The following PIP4P2 variants were observed in gnomAD, a reference collection of about 807,000 sequenced individuals.
PIP4P2 encodes the protein type 2 phosphatidylinositol 4,5-bisphosphate 4-phosphatase.
Under a neutral mutation model 33.3 loss-of-function variants are expected in PIP4P2, and 19 were observed. That is an observed-to-expected ratio of 0.57 (90% confidence interval 0.40 to 0.84). PIP4P2 has a LOEUF of 0.84. PIP4P2 is among the 40% of genes least tolerant of loss of function. PIP4P2 has a pLI of 0.00. For synonymous variants in PIP4P2, 110 were observed against 111.9 expected, an observed-to-expected ratio of 0.98 and a Z score of 0.11; for missense variants, 270 against 324.7, an observed-to-expected ratio of 0.83 and a Z score of 1.29.
At chr8:91,003,759 C>T (rs925540225) in intron 5 of PIP4P2, among the ~76,000 whole-genome samples, 1 of 151,860 alleles carries the variant, frequency 6.6e-6, no homozygotes, top group African/African-American at 2.4e-5. Context: ...GGATAAAGTG[C>T]GGTCAAGTTC....
chr8:91,016,380 A>G (rs1811914537), intron 4 of PIP4P2, among the ~76,000 whole-genome samples: 1 of 152,176 alleles, frequency 6.6e-6, no homozygotes, highest in South Asian at 2.1e-4. Flanking sequence ...ACCCTCACGA[A>G]GACATAGACT....
chr8:90,994,899 T>C lies in PIP4P2; in HGVS notation c.*778A>G, dbSNP rs1303523123. On this transcript the variant is annotated 3_prime_UTR_variant, in exon 7 of 7. Coordinates refer to ENST00000285419, the MANE Select transcript of PIP4P2 (RefSeq NM_018710.3). ...CCTCAAGCCTCTATAAAGGAATACA[T>C]AGAGCTGATAAACATTAAATTCCAT... 6.6e-6 allele frequency: 1 copy of C among 152,100 alleles called. No individual in the cohort carries two copies. The highest frequency in any genetic ancestry group is 1.5e-5 in the Non-Finnish European group (1 of 67,956). 9.4% of individuals were successfully genotyped at this position (152,100 alleles called of 1,614,324 possible).
At position 91,040,729 on chromosome 8, in the gene PIP4P2, G is replaced by T; in HGVS notation, c.21C>A (p.Asp7Glu). Residue 7 changes from aspartate (D) to glutamate (E), a missense_variant, in exon 1 of 7, where the codon GAC becomes GAA. By Grantham distance (45) the Asp-to-Glu change is conservative. Transcript: ENST00000285419. The part of the protein sequence containing the change: MAADGV[D>E]ERSPLLSASH... The stretch of plus-strand genomic sequence containing the variant: ...ATGCTGACAGCAGAGGCGAGCGTTC[G>T]TCCACCCCATCAGCAGCCATGACTG... 1 of 1,612,412 alleles carries T rather than the reference G, an allele frequency of 6.2e-7. No individual in the cohort carries two copies. Among genetic ancestry groups the T allele is most frequent in the East Asian group, 2.2e-5 (1 of 44,876 alleles).
chr8:91,033,207 C>A (rs189374687), intron 1 of PIP4P2, among the ~76,000 whole-genome samples: 7 of 152,302 alleles, frequency 4.6e-5, no homozygotes, highest in Admixed American at 1.3e-4. Context: ...AACAAACTGC[C>A]TAATTCACAT....
intron 1 of PIP4P2, among the ~76,000 whole-genome samples, chr8:91,025,862 C>T (rs1273945348): frequency 1.3e-5 from 2 of 152,142 alleles, no homozygotes; most frequent in Non-Finnish European, 2.9e-5. Flanking sequence ...TTTAGTGTCA[C>T]ACTTCTCCAG....
intron 3 of PIP4P2, 45 bp from the exon 4 acceptor site, chr8:91,018,558 C>T (rs1158236849): frequency 2.5e-6 from 4 of 1,612,020 alleles, no homozygotes; most frequent in Middle Eastern, 3.3e-4. Context: ...CACAAATGGA[C>T]TGAGAGCAAA....
At chr8:91,018,707 G>C in intron 3 of PIP4P2, 194 bp from the exon 4 acceptor site, 2 of 657,688 alleles carry the variant, frequency 3.0e-6, no homozygotes, top group Non-Finnish European at 5.0e-6. Context: ...GTCTGTACTT[G>C]GGATAGAAAC....
At chr8:91,014,585 A>G (rs758020669) in intron 4 of PIP4P2, among the ~76,000 whole-genome samples, 49 of 152,268 alleles carry the variant, frequency 3.2e-4, no homozygotes, top group African/African-American at 1.1e-3. Flanking sequence ...GTTGCCAGGC[A>G]TTGAGGTGGG....
intron 5 of PIP4P2, among the ~76,000 whole-genome samples, chr8:91,006,034 TA>T (rs1811758716): frequency 6.6e-6 from 1 of 152,184 alleles, no homozygotes; most frequent in Admixed American, 6.5e-5. Context: ...TTTTGTGAGA[TA>T]AAAGCACATA....
chr8:91,021,500 AT>A (rs1472315813), intron 1 of PIP4P2, 96 bp from the exon 2 acceptor site: 1 of 1,382,152 alleles, frequency 7.2e-7, no homozygotes, highest in Non-Finnish European at 9.7e-7. Context: ...AACAATCAAG[AT>A]TTTCCCACGT....
At chr8:91,037,033 T>A (rs902086838) in intron 1 of PIP4P2, among the ~76,000 whole-genome samples, 2 of 152,224 alleles carry the variant, frequency 1.3e-5, no homozygotes, top group African/African-American at 4.8e-5. Context: ...CCCCAGAGTG[T>A]ACTTTACAAA....
chr8:91,012,084 T>C (rs986823851), intron 4 of PIP4P2, among the ~76,000 whole-genome samples: 2 of 151,956 alleles, frequency 1.3e-5, no homozygotes, highest in African/African-American at 4.8e-5. Context: ...CAATAAAATA[T>C]CTTGAGTATT....
intron 4 of PIP4P2, among the ~76,000 whole-genome samples, chr8:91,014,038 C>G (rs1760351505): frequency 6.6e-6 from 1 of 151,980 alleles, no homozygotes; most frequent in African/African-American, 2.4e-5. Context: ...CCAAACCTGA[C>G]TAAAATAATA....
Position 91,032,688 on chromosome 8 carries a change from G to A in PIP4P2, c.106+7956C>T, listed in dbSNP as rs569588783. On this transcript the variant is annotated intron_variant, in intron 1 of 6. Transcript: ENST00000285419. Reference sequence around the variant, plus strand: ...CTCATCTACTTGGGAGGCTGAGGAAGGAGAATTGCTTGAACCTAGGAGGTA... The same window carrying A: ...CTCATCTACTTGGGAGGCTGAGGAAAGAGAATTGCTTGAACCTAGGAGGTA... 6.0e-5 allele frequency among the ~76,000 whole-genome samples: 9 copies of A among 150,890 alleles called. No individual in the cohort carries two copies. In the East Asian group the frequency reaches 1.6e-3, roughly 26 times the overall value.
intron 2 of PIP4P2, 49 bp from the exon 3 acceptor site, chr8:91,020,312 T>C: frequency 6.5e-7 from 1 of 1,534,674 alleles, no homozygotes; most frequent in Non-Finnish European, 9.0e-7. Context: ...AAAGTACAGA[T>C]TGTCAAAGTT....
chr8:91,005,725 A>T (rs757996912), intron 5 of PIP4P2, among the ~76,000 whole-genome samples: 7 of 152,254 alleles, frequency 4.6e-5, no homozygotes, highest in Non-Finnish European at 8.8e-5. Context: ...GCAGGAGGTG[A>T]TTCACAAAAG....
chr8:91,007,159 C>T (rs1195535203), intron 5 of PIP4P2, among the ~76,000 whole-genome samples: 3 of 151,796 alleles, frequency 2.0e-5, no homozygotes, highest in Non-Finnish European at 2.9e-5. Context: ...TCCTCAAGTA[C>T]GTATATATTA....
At chr8:91,014,588 G>A (rs1019082954) in intron 4 of PIP4P2, among the ~76,000 whole-genome samples, 1 of 152,092 alleles carries the variant, frequency 6.6e-6, no homozygotes, top group African/African-American at 2.4e-5. Flanking sequence ...GCCAGGCATT[G>A]AGGTGGGTGA....
intron 5 of PIP4P2, among the ~76,000 whole-genome samples, chr8:91,006,943 T>G (rs1351859197): frequency 6.6e-6 from 1 of 152,162 alleles, no homozygotes; most frequent in Non-Finnish European, 1.5e-5. Flanking sequence ...CATTCCAGCC[T>G]GGGCAACAGA....
Sources: allele counts gnomAD v4.1 joint callset (sites outside exome capture counted in the v4.1 genomes callset), GRCh38; gene constraint gnomAD v4.1.1; transcripts MANE v1.5; gene names NCBI Gene and HGNC (gene_info 2026-07-23, HGNC 2026-07-21).